TANGO6: variants seen among roughly 807,000 people sequenced by gnomAD.
The protein encoded by TANGO6 is transport and golgi organization 6 homolog.
In TANGO6, 90 loss-of-function variants were observed where a neutral mutation model predicts 114.2. That is an observed-to-expected ratio of 0.79 (90% CI 0.66 to 0.94). TANGO6 has a LOEUF of 0.94. TANGO6 is among the 40% of genes least tolerant of loss of function. The pLI, the probability that TANGO6 is intolerant of heterozygous loss-of-function variation, is 0.00. For missense variants in TANGO6, 1,274 were observed against 1,315.3 expected, an observed-to-expected ratio of 0.97 and a Z score of 0.49; for synonymous variants, 477 against 509.8, an observed-to-expected ratio of 0.94 and a Z score of 0.87.
intron 12 of TANGO6, 125 bp downstream of exon 12, chr16:68,919,344 A>G: frequency 1.6e-6 from 2 of 1,277,308 alleles, no homozygotes; most frequent in Non-Finnish European, 2.1e-6. Context: ...CTAGATAAAG[A>G]AGTTAGTTTG....
At chr16:68,978,383 G>A (rs985630698) in intron 15 of TANGO6, among the ~76,000 whole-genome samples, 1 of 152,120 alleles carries the variant, frequency 6.6e-6, no homozygotes, top group Non-Finnish European at 1.5e-5. Context: ...TTCCAAAACA[G>A]CCTTCTGGCA....
intron 17 of TANGO6, among the ~76,000 whole-genome samples, chr16:69,070,491 G>C (rs1285487337): frequency 6.6e-6 from 1 of 151,182 alleles, no homozygotes; most frequent in African/African-American, 2.4e-5. Context: ...AAATTAGCCA[G>C]GCATGGAAGT....
At chr16:69,069,694 A>G (rs1469698001) in intron 17 of TANGO6, among the ~76,000 whole-genome samples, 1 of 152,068 alleles carries the variant, frequency 6.6e-6, no homozygotes, top group Admixed American at 6.6e-5. Context: ...AAAGGGAGTC[A>G]CAATTGGTGG....
At chr16:68,980,242 C>T (rs1041785180) in intron 15 of TANGO6, among the ~76,000 whole-genome samples, 1 of 151,126 alleles carries the variant, frequency 6.6e-6, no homozygotes, top group South Asian at 2.1e-4. Context: ...TTCATATTTT[C>T]TTTTTCATTT....
chr16:69,015,510 C>T (rs1277035297), intron 15 of TANGO6, among the ~76,000 whole-genome samples: 2 of 82,062 alleles, frequency 2.4e-5, no homozygotes, highest in Non-Finnish European at 6.3e-5. Context: ...TAAACAGAGT[C>T]TTGCTCTGTC....
intron 15 of TANGO6, among the ~76,000 whole-genome samples, chr16:68,992,509 T>G (rs1963954291): frequency 6.6e-6 from 1 of 152,198 alleles, no homozygotes; most frequent in Non-Finnish European, 1.5e-5. Context: ...GGTTGCTATT[T>G]TTTTGTTGTT....
At chr16:68,868,492 ATTTTTTTTTTTT>A (rs765054621) in intron 4 of TANGO6, among the ~76,000 whole-genome samples, 172 of 93,690 alleles carry the variant, frequency 1.8e-3, no homozygotes, top group Admixed American at 4.5e-3. Flanking sequence ...CTATATTTCT[ATTTTTTTTTTTT>A]TTTTTTTTTT....
intron 15 of TANGO6, among the ~76,000 whole-genome samples, chr16:68,991,070 G>T (rs1963942137): frequency 6.6e-6 from 1 of 152,180 alleles, no homozygotes; most frequent in Admixed American, 6.5e-5. Flanking sequence ...CAAAACAGAA[G>T]TGGGATGTAT....
chr16:69,069,058 T>G (rs1384178087), intron 17 of TANGO6, among the ~76,000 whole-genome samples: 1 of 152,160 alleles, frequency 6.6e-6, no homozygotes, highest in Non-Finnish European at 1.5e-5. Context: ...TATTGCAACC[T>G]TCAGGAGGCA....
chr16:68,897,627 G>A (rs1471510515), intron 7 of TANGO6, among the ~76,000 whole-genome samples: 4 of 149,980 alleles, frequency 2.7e-5, no homozygotes, highest in African/African-American at 9.8e-5. Flanking sequence ...TGCCCAGGTT[G>A]GAGTACAGTG....
chr16:68,960,529 G>C (rs941738324), intron 14 of TANGO6, among the ~76,000 whole-genome samples: 9 of 151,884 alleles, frequency 5.9e-5, no homozygotes, highest in African/African-American at 2.2e-4. Context: ...TTGAGACAGA[G>C]TCTCGCTCTG....
Position 69,072,026 on chromosome 16 carries a change from CGTGTGTGT to C in TANGO6, c.3109-11424_3109-11417del, listed in dbSNP as rs58310609. ...AGGGAGGGTGAAGAGAGAGGGAGAC[CGTGTGTGT>C]GTGTGTGTGTGTGTGTGTGTGTGTG... On this transcript the variant is annotated intron_variant, in intron 17 of 17. Coordinates refer to ENST00000261778, the MANE Select transcript of TANGO6 (RefSeq NM_024562.2). Among the ~76,000 whole-genome samples, 40 of 93,018 alleles carry C rather than the reference CGTGTGTGT, an allele frequency of 4.3e-4. 1 individual carries two copies. The highest frequency in any genetic ancestry group is 1.7e-3 in the East Asian group (6 of 3,506). 61.0% of individuals were successfully genotyped at this position (93,018 alleles called of 152,430 possible).
At chr16:68,978,066 TA>T (rs1261753980) in intron 15 of TANGO6, among the ~76,000 whole-genome samples, 1 of 152,176 alleles carries the variant, frequency 6.6e-6, no homozygotes, top group East Asian at 1.9e-4. Context: ...AATTTGGATC[TA>T]AAACATGCCA....
intron 15 of TANGO6, among the ~76,000 whole-genome samples, chr16:69,014,289 C>CT (rs1241218539): frequency 6.6e-6 from 1 of 152,192 alleles, no homozygotes; most frequent in African/African-American, 2.4e-5. Context: ...TGCAGCAACT[C>CT]TAAGGCAACC....
chr16:69,056,774 A>T (rs558558050), intron 17 of TANGO6, among the ~76,000 whole-genome samples: 4 of 152,254 alleles, frequency 2.6e-5, no homozygotes, highest in Admixed American at 2.6e-4. Context: ...AGCACTCATT[A>T]GCAATGCAAG....
intron 12 of TANGO6, among the ~76,000 whole-genome samples, chr16:68,921,034 CGGAGGTTGCAGTG>C (rs1423059327): frequency 7.3e-6 from 1 of 136,192 alleles, no homozygotes; most frequent in Non-Finnish European, 1.5e-5. Context: ...ACCTGGGAGG[CGGAGGTTGCAGTG>C]GGCGGAGGTT....
chr16:68,964,574 T>C (rs1963625954), intron 14 of TANGO6, among the ~76,000 whole-genome samples: 1 of 149,316 alleles, frequency 6.7e-6, no homozygotes, highest in East Asian at 1.9e-4. Flanking sequence ...TTTTTTTTTT[T>C]TTTTTTTTTT....
At chr16:68,960,717 T>C (rs1400497879) in intron 14 of TANGO6, among the ~76,000 whole-genome samples, 1 of 152,102 alleles carries the variant, frequency 6.6e-6, no homozygotes, top group Non-Finnish European at 1.5e-5. Flanking sequence ...GCCAGGCTAG[T>C]CAAACTCCTG....
Position 69,031,067 on chromosome 16 carries a change from T to A in TANGO6, c.2994+8088T>A, listed in dbSNP as rs141245053. 1.4e-4 allele frequency among the ~76,000 whole-genome samples: 21 copies of A among 151,880 alleles called. 1 individual carries two copies. Among genetic ancestry groups the A allele is most frequent in the East Asian group, 3.9e-4 (2 of 5,120 alleles). ...AAGACTCGATCTCAAAAAATAAAAT[T>A]AAATTAAATTTTAAAAATTTAAAAA... is the stretch of plus-strand genomic sequence containing the variant. On this transcript the variant is annotated intron_variant, in intron 16 of 17. Coordinates refer to ENST00000261778, the MANE Select transcript of TANGO6 (RefSeq NM_024562.2).
Sources: allele counts gnomAD v4.1 joint callset (sites outside exome capture counted in the v4.1 genomes callset), GRCh38; gene constraint gnomAD v4.1.1; transcripts MANE v1.5; gene names NCBI Gene and HGNC (gene_info 2026-07-23, HGNC 2026-07-21).